The following FOXI3 variants were observed in gnomAD, a reference collection of about 807,000 sequenced individuals.
FOXI3 encodes the protein forkhead box I3, also known as forkhead box protein I3.
FOXI3 carries 4 observed loss-of-function variants against 15.6 expected under a neutral mutation model. That is an observed-to-expected ratio of 0.26 (90% confidence interval 0.13 to 0.59). FOXI3 has a LOEUF of 0.59. FOXI3 is among the 20% of genes least tolerant of loss of function. The pLI is 0.90. For synonymous variants in FOXI3, 238 were observed against 244.4 expected (o/e 0.97, Z 0.25); for missense variants, 489 against 548.2 (o/e 0.89, Z 1.08).
Position 88,447,388 on chromosome 2 carries a change from T to G in FOXI3, c.*819A>C, listed in dbSNP as rs1675955741. ...AAAGTTGGAGGTTTCCTATAAAAATTCAGATATCTGGCTCTTCTATAAAAA... is the reference window on the plus strand; with the variant it reads ...AAAGTTGGAGGTTTCCTATAAAAATGCAGATATCTGGCTCTTCTATAAAAA... On this transcript the variant is annotated 3_prime_UTR_variant, in exon 2 of 2. Transcript: ENST00000428390. 1 of 152,198 alleles carries G rather than the reference T, an allele frequency of 6.6e-6. No homozygotes were observed. Among genetic ancestry groups the G allele is most frequent in the South Asian group, 2.1e-4 (1 of 4,822 alleles). 9.4% of individuals were successfully genotyped at this position (152,198 alleles called of 1,614,324 possible).
rs571345055 is a variant in FOXI3 at position 88,447,345 on chromosome 2, T to C, written c.*862A>G. 5 of 152,298 alleles carry C rather than the reference T, an allele frequency of 3.3e-5. No homozygotes were observed. The highest frequency in any genetic ancestry group is 1.2e-4 in the African/African-American group (5 of 41,566). The allele number at this position is 152,298 out of a possible 1,614,324, so 9.4% of individuals were successfully genotyped here. A position where few individuals can be genotyped will look rare whatever the true frequency, so the allele number is the denominator to read the frequency against. Reference sequence around the variant, plus strand: ...TATGATAAACAACCAAAAAAAAATCTTCAGAGGCAAATGACACAAAGTTGG... The same window carrying C: ...TATGATAAACAACCAAAAAAAAATCCTCAGAGGCAAATGACACAAAGTTGG... On this transcript the variant is annotated 3_prime_UTR_variant, in exon 2 of 2. Coordinates refer to ENST00000428390, the MANE Select transcript of FOXI3 (RefSeq NM_001135649.3).
At chr2:88,451,123 C>T (rs189000015) in intron 1 of FOXI3, among the ~76,000 whole-genome samples, 2 of 152,228 alleles carry the variant, frequency 1.3e-5, no homozygotes, top group Admixed American at 6.5e-5. Flanking sequence ...AAGTAGGATT[C>T]TCTGTTTCTC....
chr2:88,452,618 T>C lies in FOXI3; in HGVS notation c.-83A>G, dbSNP rs1558612304. On this transcript the variant is annotated 5_prime_UTR_variant, in exon 1 of 2. Coordinates refer to ENST00000428390, the MANE Select transcript of FOXI3 (RefSeq NM_001135649.3). ...TCGCCGCTCGGGCGAGAGCATCCCT[T>C]TGGGGGCCAACCCTGCGGCTCCGCC... The C allele has an allele frequency of 1.1e-6, 1 of 880,366 alleles. No individual in the cohort carries two copies. Among genetic ancestry groups the C allele is most frequent in the Non-Finnish European group, 1.4e-6 (1 of 722,088 alleles). The allele number at this position is 880,366 out of a possible 1,614,324, so 54.5% of individuals were successfully genotyped here.
intron 1 of FOXI3, among the ~76,000 whole-genome samples, chr2:88,450,625 C>T (rs553695587): frequency 6.6e-6 from 1 of 152,160 alleles, no homozygotes; most frequent in East Asian, 1.9e-4. Flanking sequence ...GACCCCTGAC[C>T]TTTTAGAGTG....
At chr2:88,449,135 C>A (rs1675998541) in intron 1 of FOXI3, among the ~76,000 whole-genome samples, 8 of 151,214 alleles carry the variant, frequency 5.3e-5, no homozygotes. Flanking sequence ...ATTCTAGATC[C>A]AAATTGTATG....
Position 88,452,413 on chromosome 2 carries a change from G to A in FOXI3, c.123C>T (p.Asp41=). 9.9e-7 allele frequency: 1 copy of A among 1,006,266 alleles called. No homozygotes were observed. Among genetic ancestry groups the A allele is most frequent in the Non-Finnish European group, 1.2e-6 (1 of 845,624 alleles). The allele number at this position is 1,006,266 out of a possible 1,614,324, so 62.3% of individuals were successfully genotyped here. Residue 41 remains aspartate, a synonymous_variant, in exon 1 of 2, where the codon GAC becomes GAT. Transcript: ENST00000428390. ...PAARAPYGLA[D]YAAPPAAAAN... Reference sequence around the variant, plus strand: ...CGGCGGCGGCCGGCGGCGCGGCGTAGTCGGCCAGCCCGTAAGGCGCCCTGG... The same window carrying A: ...CGGCGGCGGCCGGCGGCGCGGCGTAATCGGCCAGCCCGTAAGGCGCCCTGG...
At position 88,447,928 on chromosome 2, in the gene FOXI3, C is replaced by A; in HGVS notation, c.*279G>T. 1 of 492,382 alleles carries A rather than the reference C, an allele frequency of 2.0e-6. No individual in the cohort carries two copies. The highest frequency in any genetic ancestry group is 3.7e-6 in the Non-Finnish European group (1 of 272,726). 30.5% of individuals were successfully genotyped at this position (492,382 alleles called of 1,614,324 possible). A position where few individuals can be genotyped will look rare whatever the true frequency, so the allele number is the denominator to read the frequency against. ...AAAATAGACATGGTCCCCGCCCTCA[C>A]GGGGCTCACAGGCTACCTATCACAG... On this transcript the variant is annotated 3_prime_UTR_variant, in exon 2 of 2. Coordinates refer to ENST00000428390, the MANE Select transcript of FOXI3 (RefSeq NM_001135649.3).
Position 88,452,577 on chromosome 2 carries a change from G to GT in FOXI3, c.-43_-42insA. Reference sequence around the variant, plus strand: ...GGCTGCGGCGCGGCCGCGGCGAGGGGCGAGCGGGGCTGGTCTCGCCGCTCG... The same window carrying GT: ...GGCTGCGGCGCGGCCGCGGCGAGGGGTCGAGCGGGGCTGGTCTCGCCGCTCG... On this transcript the variant is annotated 5_prime_UTR_variant, in exon 1 of 2. Transcript: ENST00000428390. The GT allele has an allele frequency of 5.7e-6, 6 of 1,054,766 alleles. No homozygotes were observed. The highest frequency in any genetic ancestry group is 6.9e-6 in the Non-Finnish European group (6 of 873,230). The allele number at this position is 1,054,766 out of a possible 1,614,324, so 65.3% of individuals were successfully genotyped here.
At chr2:88,449,389 T>C (rs141796141) in intron 1 of FOXI3, among the ~76,000 whole-genome samples, 1 of 152,332 alleles carries the variant, frequency 6.6e-6, no homozygotes, top group African/African-American at 2.4e-5. Context: ...TCGTTGAAAG[T>C]GCATAATTCC....
In FOXI3 at chr2:88,448,399, G is replaced by C. The variant is rs1374841243; in HGVS notation, c.1071C>G (p.Ser357=). ...LPSSGVFSPT[S]ISEASADTLQ... ...AGGTGTCTGCTGAGGCCTCTGAGATGGAGGTCGGGGAGAACACGCCGCTGG... is the reference window on the plus strand; with the variant it reads ...AGGTGTCTGCTGAGGCCTCTGAGATCGAGGTCGGGGAGAACACGCCGCTGG... Residue 357 remains serine (S), a synonymous_variant, in exon 2 of 2, where the codon TCC becomes TCG. Coordinates refer to ENST00000428390, the MANE Select transcript of FOXI3 (RefSeq NM_001135649.3). 2 of 1,551,592 alleles carry C rather than the reference G, an allele frequency of 1.3e-6. No homozygotes were observed. Among genetic ancestry groups the C allele is most frequent in the Non-Finnish European group, 8.7e-7 (1 of 1,147,006 alleles).
At position 88,446,955 on chromosome 2, in the gene FOXI3, G is replaced by A. The variant is rs2104255504; in HGVS notation, c.*1252C>T. 6.6e-6 allele frequency: 1 copy of A among 152,342 alleles called. No individual in the cohort carries two copies. The highest frequency in any genetic ancestry group is 2.1e-4 in the South Asian group (1 of 4,830). The allele number at this position is 152,342 out of a possible 1,614,324, so 9.4% of individuals were successfully genotyped here. A position where few individuals can be genotyped will look rare whatever the true frequency, so the allele number is the denominator to read the frequency against. On this transcript the variant is annotated 3_prime_UTR_variant, in exon 2 of 2. Transcript: ENST00000428390. ...CACCAGCTCTGGAACCAGATTGTCTGGGTCTGATCCTGGCTCCAGTTTACT... is the reference window on the plus strand; with the variant it reads ...CACCAGCTCTGGAACCAGATTGTCTAGGTCTGATCCTGGCTCCAGTTTACT...
Position 88,452,425 on chromosome 2 carries a change from G to C in FOXI3, c.111C>G (p.Tyr37Ter), listed in dbSNP as rs1382419938. The change falls in exon 1 of 2, where the codon TAC becomes TAG. Residue 37 changes from tyrosine (Y) to a stop codon, truncating the protein, a stop_gained. Transcript: ENST00000428390. LOFTEE classifies it high-confidence loss of function. ...GCGGCGCGGCGTAGTCGGCCAGCCC[G>C]TAAGGCGCCCTGGCTGCCGGGGGGG... is the stretch of plus-strand genomic sequence containing the variant. The part of the protein sequence containing the change: ...PGAPPAARAP[Y>*]GLADYAAPPA... The C allele has an allele frequency of 9.8e-7, 1 of 1,019,624 alleles. No homozygotes were observed. The highest frequency in any genetic ancestry group is 1.8e-5 in the African/African-American group (1 of 57,118). The allele number at this position is 1,019,624 out of a possible 1,614,324, so 63.2% of individuals were successfully genotyped here.
At position 88,452,064 on chromosome 2, in the gene FOXI3, T is replaced by C; in HGVS notation, c.472A>G (p.Ile158Val). Reference sequence around the variant, plus strand: ...AGTTTGCGCTCGGGCGCGCTCTGAATGGCCATGGCGATGAGCGCCGAATAC... The same window carrying C: ...AGTTTGCGCTCGGGCGCGCTCTGAACGGCCATGGCGATGAGCGCCGAATAC... ...YSYSALIAMA[I>V]QSAPERKLTL... The change falls in exon 1 of 2, where the codon ATT (isoleucine) becomes GTT (valine). Residue 158 changes from isoleucine (I) to valine (V), a missense_variant. Ile to Val is a conservative substitution (Grantham distance 29). Coordinates refer to ENST00000428390, the MANE Select transcript of FOXI3 (RefSeq NM_001135649.3). 6.3e-7 allele frequency: 1 copy of C among 1,583,334 alleles called. No individual in the cohort carries two copies. Among genetic ancestry groups the C allele is most frequent in the Non-Finnish European group, 8.6e-7 (1 of 1,165,164 alleles).
chr2:88,448,603 C>T lies in FOXI3; in HGVS notation c.867G>A (p.Glu289=), dbSNP rs1487657167. The stretch of plus-strand genomic sequence containing the variant: ...CAGTACTCTTGGTGCCCTCCGGAGG[C>T]TCTGGGGAGTGGGAAGGCCTCAGCA... The part of the protein sequence containing the change: ...STLLRPSHSP[E]PPEGTKSTAS... The change falls in exon 2 of 2, where the codon GAG becomes GAA. Residue 289 remains glutamate (E), a synonymous_variant. Coordinates refer to ENST00000428390, the MANE Select transcript of FOXI3 (RefSeq NM_001135649.3). 3 of 1,551,626 alleles carry T rather than the reference C, an allele frequency of 1.9e-6. No homozygotes were observed. Among genetic ancestry groups the T allele is most frequent in the East Asian group, 4.9e-5 (2 of 40,906 alleles).
chr2:88,450,656 G>A (rs1335609374), intron 1 of FOXI3, among the ~76,000 whole-genome samples: 2 of 152,028 alleles, frequency 1.3e-5, no homozygotes, highest in Non-Finnish European at 2.9e-5. Context: ...CAGTTTACAC[G>A]ACAATTTACA....
rs1418207719 is a variant in FOXI3 at position 88,452,091 on chromosome 2, A to T, written c.445T>A (p.Ser149Thr). 1 of 1,563,592 alleles carries T rather than the reference A, an allele frequency of 6.4e-7. No homozygotes were observed. Among genetic ancestry groups the T allele is most frequent in the Non-Finnish European group, 8.7e-7 (1 of 1,154,558 alleles). Residue 149 changes from serine (S) to threonine (T), a missense_variant, in exon 1 of 2, where the codon TCG (serine) becomes ACG (threonine). Around this residue, in one of 3 missense-constraint regions of FOXI3, gnomAD observed 224 missense variants for 245.7 expected, o/e 0.91. Transcript: ENST00000428390. ...DLMKMVRPPYSYSALIAMAIQ... is the reference protein window; with the variant it reads ...DLMKMVRPPYTYSALIAMAIQ... Reference sequence around the variant, plus strand: ...GCCATGGCGATGAGCGCCGAATACGAGTAGGGCGGCCGCACCATCTTCATC... The same window carrying T: ...GCCATGGCGATGAGCGCCGAATACGTGTAGGGCGGCCGCACCATCTTCATC...
intron 1 of FOXI3, 26 bp downstream of exon 1, chr2:88,451,870 G>T: frequency 6.2e-7 from 1 of 1,606,148 alleles, no homozygotes; most frequent in Non-Finnish European, 8.5e-7. Flanking sequence ...CTCCCCGGCT[G>T]GGAAGCACCT....
rs1405131566 is a variant in FOXI3, at chr2:88,448,223, T to C, written c.1247A>G (p.Glu416Gly). 3.2e-6 allele frequency: 5 copies of C among 1,551,244 alleles called. No homozygotes were observed. In the East Asian group the frequency reaches 9.8e-5, roughly 30 times the overall value. Residue 416 changes from glutamate to glycine, a missense_variant, in exon 2 of 2, where the codon GAG becomes GGG. Physicochemically the swap from Glu to Gly is moderately conservative, Grantham distance 98. Around this residue, in one of 3 missense-constraint regions of FOXI3, gnomAD observed 263 missense variants for 285.5 expected, o/e 0.92. Coordinates refer to ENST00000428390, the MANE Select transcript of FOXI3 (RefSeq NM_001135649.3). ...SMVNSLIYPR[E>G]GSEV ...GAGTCTGCTCTACACCTCGGAGCCCTCTCGGGGGTAGATGAGGCTGTTCAC... is the reference window on the plus strand; with the variant it reads ...GAGTCTGCTCTACACCTCGGAGCCCCCTCGGGGGTAGATGAGGCTGTTCAC...
At chr2:88,449,843 C>T (rs1451533918) in intron 1 of FOXI3, among the ~76,000 whole-genome samples, 2 of 152,140 alleles carry the variant, frequency 1.3e-5, no homozygotes, top group Non-Finnish European at 2.9e-5. Flanking sequence ...ATAACTCCTT[C>T]CACTTTTCAG....
Sources: allele counts gnomAD v4.1 joint callset (sites outside exome capture counted in the v4.1 genomes callset), GRCh38; gene constraint gnomAD v4.1.1; regional missense constraint gnomAD v4.1.1; transcripts MANE v1.5; gene names NCBI Gene and HGNC (gene_info 2026-07-23, HGNC 2026-07-21).